ZNF804B: variants seen among roughly 807,000 people sequenced by gnomAD.
The protein encoded by ZNF804B is zinc finger protein 804B.
In ZNF804B, 80 loss-of-function variants were observed where a neutral mutation model predicts 101.4. That is an observed-to-expected ratio of 0.79 (90% confidence interval 0.66 to 0.95). The LOEUF is 0.95. ZNF804B is among the 40% of genes least tolerant of loss of function. ZNF804B has a pLI of 0.00. For missense variants in ZNF804B, 1,673 were observed against 1,561.9 expected (o/e 1.07, Z -1.20); for synonymous variants, 622 against 558.8 (o/e 1.11, Z -1.59).
intron 1 of ZNF804B, among the ~76,000 whole-genome samples, chr7:89,068,971 A>G (rs1789496107): frequency 6.6e-6 from 1 of 152,192 alleles, no homozygotes; most frequent in Non-Finnish European, 1.5e-5. Flanking sequence ...ATCTGACTTC[A>G]GTTCCTTGCT....
chr7:89,138,682 G>C (rs1790672419), intron 1 of ZNF804B, among the ~76,000 whole-genome samples: 1 of 152,088 alleles, frequency 6.6e-6, no homozygotes, highest in African/African-American at 2.4e-5. Flanking sequence ...GTTCCCACAT[G>C]TTGTGGGAGG....
At chr7:88,766,140 C>T (rs1789980090) in intron 1 of ZNF804B, among the ~76,000 whole-genome samples, 1 of 152,036 alleles carries the variant, frequency 6.6e-6, no homozygotes, top group African/African-American at 2.4e-5. Flanking sequence ...AGCAAGACCA[C>T]ATTTCTATAA....
intron 1 of ZNF804B, among the ~76,000 whole-genome samples, chr7:88,935,426 G>A (rs1037026343): frequency 3.3e-5 from 5 of 150,980 alleles, no homozygotes; most frequent in African/African-American, 1.2e-4. Context: ...GCTCACAGCT[G>A]CAATCTTAGC....
At position 88,778,476 on chromosome 7, in the gene ZNF804B, AT is replaced by A. The variant is rs66470564; in HGVS notation, c.108+18396del. On this transcript the variant is annotated intron_variant, in intron 1 of 3. Coordinates refer to ENST00000333190, the MANE Select transcript of ZNF804B (RefSeq NM_181646.5). ...ATTATTCTGCTTACTATATCTCAGAATTTTAGACTCCTATACATCTGTAGTT... is the reference window on the plus strand; with the variant it reads ...ATTATTCTGCTTACTATATCTCAGAATTTAGACTCCTATACATCTGTAGTT... 2.2e-3 allele frequency among the ~76,000 whole-genome samples: 330 copies of A among 152,312 alleles called. 2 individuals are homozygous for A. Among genetic ancestry groups the A allele is most frequent in the African/African-American group, 7.7e-3 (319 of 41,560 alleles).
intron 1 of ZNF804B, among the ~76,000 whole-genome samples, chr7:89,116,948 G>T (rs1790320981): frequency 6.6e-6 from 1 of 152,170 alleles, no homozygotes; most frequent in African/African-American, 2.4e-5. Context: ...GATTATCTGA[G>T]TGGCCTTAAA....
chr7:89,011,675 C>T (rs1443112770), intron 1 of ZNF804B, among the ~76,000 whole-genome samples: 2 of 152,124 alleles, frequency 1.3e-5, no homozygotes, highest in East Asian at 1.9e-4. Flanking sequence ...TCTCCTTTGA[C>T]TTCATGTCTC....
At chr7:88,845,902 A>G (rs1191915843) in intron 1 of ZNF804B, among the ~76,000 whole-genome samples, 1 of 152,202 alleles carries the variant, frequency 6.6e-6, no homozygotes, top group Non-Finnish European at 1.5e-5. Flanking sequence ...TGTTTAATGG[A>G]TAAAAAATAT....
intron 1 of ZNF804B, among the ~76,000 whole-genome samples, chr7:89,041,436 T>C (rs2116249013): frequency 6.6e-6 from 1 of 152,108 alleles, no homozygotes; most frequent in South Asian, 2.1e-4. Context: ...GTGTAGGAGT[T>C]GGCCTGGGGC....
intron 1 of ZNF804B, among the ~76,000 whole-genome samples, chr7:89,068,764 T>C (rs1295079042): frequency 6.6e-6 from 1 of 152,220 alleles, no homozygotes; most frequent in Non-Finnish European, 1.5e-5. Flanking sequence ...AATTTGAAAG[T>C]TATCAGAATG....
At chr7:89,321,209 G>A (rs764981890) in intron 2 of ZNF804B, among the ~76,000 whole-genome samples, 3 of 152,076 alleles carry the variant, frequency 2.0e-5, no homozygotes, top group Non-Finnish European at 2.9e-5. Flanking sequence ...GGCCAGGCAC[G>A]TTGGCTCACG....
chr7:88,998,854 C>G (rs912368449), intron 1 of ZNF804B, among the ~76,000 whole-genome samples: 1 of 151,944 alleles, frequency 6.6e-6, no homozygotes, highest in Non-Finnish European at 1.5e-5. Context: ...CTTAATGAGC[C>G]TGCATTAACT....
chr7:88,811,545 T>G (rs1168111479), intron 1 of ZNF804B, among the ~76,000 whole-genome samples: 1 of 152,164 alleles, frequency 6.6e-6, no homozygotes, highest in Non-Finnish European at 1.5e-5. Flanking sequence ...GCAGCACTAT[T>G]TACAATATCA....
chr7:89,163,567 T>C (rs1433601568), intron 1 of ZNF804B, among the ~76,000 whole-genome samples: 1 of 152,200 alleles, frequency 6.6e-6, no homozygotes, highest in South Asian at 2.1e-4. Flanking sequence ...GTTATCTTTT[T>C]TTCCTTTGCT....
At chr7:88,809,311 CTATCTATCT>C (rs1790741356) in intron 1 of ZNF804B, among the ~76,000 whole-genome samples, 3 of 9,360 alleles carry the variant, frequency 3.2e-4, no homozygotes, top group African/African-American at 2.1e-3. Flanking sequence ...TGTCATCTAT[CTATCTATCT>C]ATCTATCTAT....
At chr7:88,914,253 G>A (rs532582066) in intron 1 of ZNF804B, among the ~76,000 whole-genome samples, 26 of 152,142 alleles carry the variant, frequency 1.7e-4, no homozygotes, top group East Asian at 9.6e-4. Context: ...AATTTAGCCC[G>A]TAAAGGGTAA....
intron 1 of ZNF804B, among the ~76,000 whole-genome samples, chr7:89,108,746 A>G (rs1298047728): frequency 2.0e-5 from 3 of 152,160 alleles, no homozygotes; most frequent in African/African-American, 7.2e-5. Flanking sequence ...CAAAGAAGAA[A>G]TAAGTGTGAA....
intron 1 of ZNF804B, among the ~76,000 whole-genome samples, chr7:89,044,298 C>A (rs4571667): frequency 0.46 from 70,276 of 152,030 alleles, 16,888 homozygotes; most frequent in Non-Finnish European, 0.53. Context: ...GAGGCCTTCC[C>A]AGCCCTGTGG....
At chr7:88,886,897 C>T (rs550664859) in intron 1 of ZNF804B, among the ~76,000 whole-genome samples, 1 of 137,994 alleles carries the variant, frequency 7.2e-6, no homozygotes, top group Admixed American at 7.3e-5. Flanking sequence ...ATGGTCCAAA[C>T]TTAGGAAAAA....
At chr7:88,818,299 C>T (rs1239275214) in intron 1 of ZNF804B, among the ~76,000 whole-genome samples, 1 of 151,928 alleles carries the variant, frequency 6.6e-6, no homozygotes, top group Non-Finnish European at 1.5e-5. Flanking sequence ...CCAAAAATCT[C>T]GAGTTGGCAT....
Sources: gnomAD v4.1 joint callset for allele counts (sites outside exome capture counted in the v4.1 genomes callset) on GRCh38, gnomAD v4.1.1 for gene constraint, MANE v1.5 for transcripts, NCBI Gene and HGNC (gene_info 2026-07-23, HGNC 2026-07-21) for gene names.